The following TRNAU1AP variants were observed in gnomAD, a reference collection of about 807,000 sequenced individuals.
The protein encoded by TRNAU1AP is tRNA selenocysteine 1-associated protein 1.
A neutral mutation model predicts 43.3 loss-of-function variants in TRNAU1AP; 33 were observed. The ratio of observed to expected loss-of-function variants is 0.76; its 90% CI spans 0.58 to 1.02. The LOEUF is 1.02. Ranked by LOEUF, TRNAU1AP falls within the 50% of genes least tolerant of loss-of-function variation. The pLI, the probability that TRNAU1AP is intolerant of heterozygous loss-of-function variation, is 0.00. For missense variants in TRNAU1AP, 290 were observed against 362.7 expected (o/e 0.80, Z 1.63); for synonymous variants, 143 against 129.1 (o/e 1.11, Z -0.73).
intron 6 of TRNAU1AP, among the ~76,000 whole-genome samples, chr1:28,569,135 T>C (rs192520411): frequency 9.2e-5 from 14 of 152,166 alleles, no homozygotes; most frequent in African/African-American, 3.4e-4. Context: ...TTGAAAGCAA[T>C]GATTTAGGGG....
intron 2 of TRNAU1AP, 94 bp from the exon 3 acceptor site, chr1:28,560,539 C>A: frequency 1.0e-6 from 1 of 997,364 alleles, no homozygotes; most frequent in Non-Finnish European, 1.5e-6. Flanking sequence ...GCCTCCCAAA[C>A]TGTTGGGATT....
chr1:28,554,508 T>C (rs958893617), intron 2 of TRNAU1AP, among the ~76,000 whole-genome samples: 1 of 152,042 alleles, frequency 6.6e-6, no homozygotes, highest in African/African-American at 2.4e-5. Flanking sequence ...ACTTCTGAGG[T>C]AGGTAAATAC....
chr1:28,575,483 A>T (rs1665756626), intron 8 of TRNAU1AP, among the ~76,000 whole-genome samples: 1 of 131,240 alleles, frequency 7.6e-6, no homozygotes, highest in African/African-American at 2.9e-5. Flanking sequence ...TTTTTTTGAG[A>T]CGGTGTCTCA....
chr1:28,556,689 T>G (rs1385545472), intron 2 of TRNAU1AP, among the ~76,000 whole-genome samples: 1 of 151,616 alleles, frequency 6.6e-6, no homozygotes, highest in Admixed American at 6.6e-5. Context: ...TTTTTTTTGT[T>G]TGTTTGTTTT....
chr1:28,561,347 C>G lies in TRNAU1AP; in HGVS notation c.227C>G (p.Ala76Gly). 6.2e-7 allele frequency: 1 copy of G among 1,614,042 alleles called. No homozygotes were observed. The highest frequency in any genetic ancestry group is 2.2e-5 in the East Asian group (1 of 44,880). The change falls in exon 4 of 9, where the codon GCG becomes GGG. Residue 76 changes from alanine (A) to glycine (G), a missense_variant and splice_region_variant. Physicochemically the swap from Ala to Gly is moderately conservative, Grantham distance 60. This residue lies in a region of TRNAU1AP where 174 missense variants were observed against 262.1 expected (regional missense o/e 0.66). Coordinates refer to ENST00000373830, the MANE Select transcript of TRNAU1AP (RefSeq NM_017846.5). ...GTTTGTTTGTTTTTCAACTTCCAGG[C>G]GAAACGTTTTAAACTGAACTATGCC... ...NGKPLPGATPAKRFKLNYATY... is the reference protein window; with the variant it reads ...NGKPLPGATPGKRFKLNYATY...
Position 28,560,740 on chromosome 1 carries a change from C to T in TRNAU1AP, c.225+8C>T. The T allele has an allele frequency of 6.3e-7, 1 of 1,596,612 alleles. No homozygotes were observed. Among genetic ancestry groups the T allele is most frequent in the South Asian group, 1.1e-5 (1 of 90,452 alleles). On this transcript the variant is annotated splice_region_variant and intron_variant, in intron 3 of 8. Coordinates refer to ENST00000373830, the MANE Select transcript of TRNAU1AP (RefSeq NM_017846.5). ...CTTCCAGGAGCCACACCTGTAAGGA[C>T]ATTTAGATAATGATGATGTTGCCAT...
Position 28,553,756 on chromosome 1 carries a change from C to T in TRNAU1AP, c.125+19C>T. ...TCACTGGGTAAGTCTCATCTCAGGT[C>T]TCTCTTAATACATCTCGTTGCAGCT... is the stretch of plus-strand genomic sequence containing the variant. On this transcript the variant is annotated intron_variant, in intron 2 of 8. Transcript: ENST00000373830. The T allele has an allele frequency of 1.9e-6, 3 of 1,600,948 alleles. No homozygotes were observed. Among genetic ancestry groups the T allele is most frequent in the Non-Finnish European group, 2.6e-6 (3 of 1,168,048 alleles).
At chr1:28,576,607 G>A (rs1665787674) in intron 8 of TRNAU1AP, among the ~76,000 whole-genome samples, 2 of 150,392 alleles carry the variant, frequency 1.3e-5, no homozygotes, top group Non-Finnish European at 1.5e-5. Context: ...GTGAGCCACC[G>A]CGCCCGGCCG....
intron 8 of TRNAU1AP, among the ~76,000 whole-genome samples, chr1:28,572,828 G>A (rs1359360871): frequency 2.0e-5 from 3 of 151,332 alleles, no homozygotes; most frequent in Middle Eastern, 3.2e-3. Flanking sequence ...CCAGCTACTC[G>A]GGAGGCTGAG....
At chr1:28,559,748 G>T (rs1441389426) in intron 2 of TRNAU1AP, among the ~76,000 whole-genome samples, 1 of 152,124 alleles carries the variant, frequency 6.6e-6, no homozygotes, top group African/African-American at 2.4e-5. Context: ...CCTGGAACTG[G>T]TTATTAGATC....
At chr1:28,563,464 C>T (rs1665460052) in intron 4 of TRNAU1AP, among the ~76,000 whole-genome samples, 1 of 151,838 alleles carries the variant, frequency 6.6e-6, no homozygotes, top group African/African-American at 2.4e-5. Flanking sequence ...GGGTGGATCA[C>T]CTGCGGTCGG....
rs1194454621 is a variant in TRNAU1AP, at chr1:28,578,528, AAC to A, written c.*896_*897del. Reference sequence around the variant, plus strand: ...AGTTCGGTCTCTACAAAAAAATACAAACACAAATATACTTTTATTAGTCTTTT... The same window carrying A: ...AGTTCGGTCTCTACAAAAAAATACAAACAAATATACTTTTATTAGTCTTTT... On this transcript the variant is annotated 3_prime_UTR_variant, in exon 9 of 9. Transcript: ENST00000373830. The A allele has an allele frequency of 2.2e-5, 7 of 322,306 alleles. No homozygotes were observed. The highest frequency in any genetic ancestry group is 4.5e-5 in the Non-Finnish European group (7 of 155,632). 20.0% of individuals were successfully genotyped at this position (322,306 alleles called of 1,614,324 possible). A position where few individuals can be genotyped will look rare whatever the true frequency, so the allele number is the denominator to read the frequency against.
intron 2 of TRNAU1AP, 26 bp downstream of exon 2, chr1:28,553,763 A>C: frequency 1.3e-6 from 2 of 1,589,336 alleles, no homozygotes; most frequent in Non-Finnish European, 1.7e-6. Flanking sequence ...GGTCTCTCTT[A>C]ATACATCTCG....
At chr1:28,564,575 G>T in intron 4 of TRNAU1AP, 128 bp from the exon 5 acceptor site, 4 of 1,132,074 alleles carry the variant, frequency 3.5e-6, no homozygotes, top group Non-Finnish European at 5.0e-6. Flanking sequence ...AGTAGGGGCT[G>T]GTTAAGTAGA....
chr1:28,565,798 A>G (rs1158325736), intron 5 of TRNAU1AP: 2 of 152,036 alleles, frequency 1.3e-5, no homozygotes, highest in Admixed American at 6.6e-5. Context: ...AATAAAAAAA[A>G]AAAGAAAAAA....
chr1:28,562,634 G>T (rs990878437), intron 4 of TRNAU1AP, among the ~76,000 whole-genome samples: 5 of 150,882 alleles, frequency 3.3e-5, no homozygotes, highest in Non-Finnish European at 7.4e-5. Context: ...AGGCTGGCGT[G>T]CAGTGGCACG....
In TRNAU1AP at chr1:28,562,897, C is replaced by CTT. The variant is rs780392283; in HGVS notation, c.278+1514_278+1515dup. 1.2e-3 allele frequency among the ~76,000 whole-genome samples: 147 copies of CTT among 118,570 alleles called. 4 individuals are homozygous for CTT. Among genetic ancestry groups the CTT allele is most frequent in the Middle Eastern group, 5.5e-3 (1 of 182 alleles). 77.8% of individuals were successfully genotyped at this position (118,570 alleles called of 152,430 possible). ...TGCCTGGACTGTGCTTTTGTGTATT[C>CTT]TTTTTTTTTTTTTTTTGAGATGGAG... On this transcript the variant is annotated intron_variant, in intron 4 of 8. Coordinates refer to ENST00000373830, the MANE Select transcript of TRNAU1AP (RefSeq NM_017846.5).
intron 6 of TRNAU1AP, among the ~76,000 whole-genome samples, chr1:28,570,350 C>A (rs1360014220): frequency 6.6e-6 from 1 of 151,908 alleles, no homozygotes; most frequent in Non-Finnish European, 1.5e-5. Flanking sequence ...CAGGTTCAAG[C>A]GATTCTCCTG....
rs143163451 is a variant in TRNAU1AP at position 28,578,416 on chromosome 1, A to C, written c.*780A>C. On this transcript the variant is annotated 3_prime_UTR_variant, in exon 9 of 9. Coordinates refer to ENST00000373830, the MANE Select transcript of TRNAU1AP (RefSeq NM_017846.5). ...GCTTGAGGCAAAGCATTCATCCTAC[A>C]TCATAAAAAATCTCCAAAGATCTCT... The C allele has an allele frequency of 4.3e-6, 1 of 231,820 alleles. No homozygotes were observed. The highest frequency in any genetic ancestry group is 8.7e-6 in the Non-Finnish European group (1 of 115,334). 14.4% of individuals were successfully genotyped at this position (231,820 alleles called of 1,614,324 possible). A position where few individuals can be genotyped will look rare whatever the true frequency, so the allele number is the denominator to read the frequency against.
Sources: allele counts gnomAD v4.1 joint callset (sites outside exome capture counted in the v4.1 genomes callset), GRCh38; gene constraint gnomAD v4.1.1; regional missense constraint gnomAD v4.1.1; transcripts MANE v1.5; gene names NCBI Gene and HGNC (gene_info 2026-07-23, HGNC 2026-07-21).